FSHR: variants seen among roughly 807,000 people sequenced by gnomAD.
The protein encoded by FSHR is follicle stimulating hormone receptor.
FSHR carries 46 observed loss-of-function variants against 52.1 expected under a neutral mutation model. The ratio of observed to expected loss-of-function variants is 0.88; its 90% confidence interval spans 0.70 to 1.13. The LOEUF is 1.13. Ranked by LOEUF, FSHR falls within the 50% of genes most tolerant of loss-of-function variation. FSHR has a pLI of 0.00. For synonymous variants in FSHR, 399 were observed against 309.6 expected, an observed-to-expected ratio of 1.29 and a Z score of -3.03; for missense variants, 964 against 834.6, an observed-to-expected ratio of 1.16 and a Z score of -1.91.
At chr2:49,050,516 G>GC (rs369813928) in intron 2 of FSHR, among the ~76,000 whole-genome samples, 24 of 152,262 alleles carry the variant, frequency 1.6e-4, no homozygotes, top group African/African-American at 5.1e-4. Context: ...TTTTACCTTA[G>GC]CAGGAACATG....
intron 1 of FSHR, among the ~76,000 whole-genome samples, chr2:49,133,382 C>G (rs963949680): frequency 1.3e-5 from 2 of 151,794 alleles, no homozygotes; most frequent in Non-Finnish European, 2.9e-5. Context: ...AAGCTACAAA[C>G]CACTTAACTA....
In FSHR at chr2:48,971,657, T is replaced by G. The variant is rs1674747285; in HGVS notation, c.669-2774A>C. Among the ~76,000 whole-genome samples the G allele has an allele frequency of 2.0e-5, 3 of 152,224 alleles. No homozygotes were observed. The South Asian group carries it at 6.2e-4, about 32-fold the overall frequency. ...AATCTCCTATATACTTACTGATTTT[T>G]TTGCTTCTTTGTTCTATCACTACTG... On this transcript the variant is annotated intron_variant, in intron 8 of 9. Transcript: ENST00000406846.
rs1399380523 is a variant in FSHR at position 48,962,629 on chromosome 2, A to G, written c.*104T>C. The G allele has an allele frequency of 5.9e-6, 7 of 1,178,046 alleles. No homozygotes were observed. Among genetic ancestry groups the G allele is most frequent in the Non-Finnish European group, 7.5e-6 (6 of 800,400 alleles). 73.0% of individuals were successfully genotyped at this position (1,178,046 alleles called of 1,614,324 possible). A position where few individuals can be genotyped will look rare whatever the true frequency, so the allele number is the denominator to read the frequency against. ...CCTTAAAGGTATGCCAGGAATATTA[A>G]ATTAGATGAAATGTGTAGAAGCACT... On this transcript the variant is annotated 3_prime_UTR_variant, in exon 10 of 10. Transcript: ENST00000406846.
chr2:49,061,224 TA>T (rs1221600490), intron 2 of FSHR, among the ~76,000 whole-genome samples: 1 of 152,036 alleles, frequency 6.6e-6, no homozygotes, highest in East Asian at 1.9e-4. Context: ...CCAGGTGCCA[TA>T]ACAGGTATGC....
At chr2:49,096,590 A>G (rs975482477) in intron 1 of FSHR, among the ~76,000 whole-genome samples, 4 of 152,234 alleles carry the variant, frequency 2.6e-5, no homozygotes, top group Non-Finnish European at 5.9e-5. Flanking sequence ...TCACTTAAAA[A>G]GAGTGAATTT....
intron 1 of FSHR, among the ~76,000 whole-genome samples, chr2:49,103,246 G>T (rs1424008933): frequency 6.6e-6 from 1 of 152,116 alleles, no homozygotes; most frequent in Non-Finnish European, 1.5e-5. Context: ...TCTAGGAAGG[G>T]ACTGATACAG....
At chr2:49,018,902 T>A (rs1409059697) in intron 3 of FSHR, among the ~76,000 whole-genome samples, 1 of 152,196 alleles carries the variant, frequency 6.6e-6, no homozygotes. Context: ...ATTTGGCAAA[T>A]GATAAAAATA....
intron 1 of FSHR, among the ~76,000 whole-genome samples, chr2:49,101,086 A>C (rs1211746282): frequency 6.6e-6 from 1 of 152,188 alleles, no homozygotes; most frequent in Non-Finnish European, 1.5e-5. Flanking sequence ...TATTAGAAAA[A>C]ATTTCTGTGC....
At position 49,075,103 on chromosome 2, in the gene FSHR, G is replaced by A. The variant is rs116438958; in HGVS notation, c.153-6813C>T. On this transcript the variant is annotated intron_variant, in intron 1 of 9. Transcript: ENST00000406846. ...ATACAAAATTATAGCTAGATAGGAA[G>A]AATAATCTCTAGTGTTCTATATCAC... 2.7e-3 allele frequency among the ~76,000 whole-genome samples: 410 copies of A among 152,216 alleles called. 2 individuals carry two copies. The highest frequency in any genetic ancestry group is 9.5e-3 in the African/African-American group (396 of 41,538).
intron 2 of FSHR, among the ~76,000 whole-genome samples, chr2:49,052,567 A>G (rs1668905493): frequency 1.3e-5 from 2 of 152,210 alleles, no homozygotes; most frequent in African/African-American, 4.8e-5. Context: ...AAAGTTCTCC[A>G]GGGGATTCTA....
intron 1 of FSHR, among the ~76,000 whole-genome samples, chr2:49,134,424 G>A (rs1672411017): frequency 6.6e-6 from 1 of 152,186 alleles, no homozygotes; most frequent in African/African-American, 2.4e-5. Flanking sequence ...AACAGGTGCT[G>A]GAGAGGATGT....
At chr2:49,103,591 C>A (rs1436553441) in intron 1 of FSHR, among the ~76,000 whole-genome samples, 1 of 152,092 alleles carries the variant, frequency 6.6e-6, no homozygotes, top group African/African-American at 2.4e-5. Flanking sequence ...GAGATGGCAT[C>A]CCTACAGAAC....
intron 1 of FSHR, among the ~76,000 whole-genome samples, chr2:49,079,560 G>A (rs756242850): frequency 2.6e-5 from 4 of 151,862 alleles, no homozygotes; most frequent in Non-Finnish European, 5.9e-5. Flanking sequence ...ATAGACCAAT[G>A]GAAGAAAATA....
chr2:48,969,771 C>T (rs947512955), intron 8 of FSHR, among the ~76,000 whole-genome samples: 2 of 152,176 alleles, frequency 1.3e-5, no homozygotes, highest in Non-Finnish European at 2.9e-5. Context: ...AGGTCCCTGC[C>T]CCTGATGGGC....
intron 6 of FSHR, among the ~76,000 whole-genome samples, chr2:48,987,966 C>T (rs1282764842): frequency 1.3e-5 from 2 of 151,954 alleles, no homozygotes; most frequent in Non-Finnish European, 2.9e-5. Flanking sequence ...GAATACATTC[C>T]TTTGATTTAA....
At chr2:49,145,276 C>G (rs1672829968) in intron 1 of FSHR, among the ~76,000 whole-genome samples, 1 of 152,084 alleles carries the variant, frequency 6.6e-6, no homozygotes, top group Non-Finnish European at 1.5e-5. Flanking sequence ...AATTTGTAAA[C>G]TTTTAGTCAA....
At chr2:49,124,053 C>T (rs974447015) in intron 1 of FSHR, among the ~76,000 whole-genome samples, 3 of 151,478 alleles carry the variant, frequency 2.0e-5, no homozygotes, top group Admixed American at 1.3e-4. Context: ...GGCATGATCT[C>T]GGCTCACTGC....
intron 1 of FSHR, among the ~76,000 whole-genome samples, chr2:49,079,102 C>T (rs530820160): frequency 6.6e-6 from 1 of 152,008 alleles, no homozygotes; most frequent in South Asian, 2.1e-4. Flanking sequence ...AATAACCCCC[C>T]CATATTATTT....
chr2:48,963,996 AC>A, intron 9 of FSHR, 30 bp from the exon 10 acceptor site: 1 of 1,598,716 alleles, frequency 6.3e-7, no homozygotes, highest in Non-Finnish European at 8.5e-7. Flanking sequence ...AATAGAATCA[AC>A]ATCTCAGATC....
Sources: allele counts gnomAD v4.1 joint callset (sites outside exome capture counted in the v4.1 genomes callset), GRCh38; gene constraint gnomAD v4.1.1; transcripts MANE v1.5; gene names NCBI Gene and HGNC (gene_info 2026-07-23, HGNC 2026-07-21).